Variants in SEPTIN3 observed in about 807,000 individuals in gnomAD.
The protein encoded by SEPTIN3 is neuronal-specific septin-3.
SEPTIN3 carries 15 observed loss-of-function variants against 45.1 expected under a neutral mutation model. That is an observed-to-expected ratio of 0.33 (90% CI 0.22 to 0.51). The LOEUF is 0.51. Among genes scored for constraint, SEPTIN3 ranks in the 20% least tolerant of loss-of-function variants. The probability of loss-of-function intolerance (pLI) is 0.97; values close to 1 mark genes in which losing one functional copy is unlikely to be tolerated. For missense variants in SEPTIN3, 289 were observed against 457.2 expected (o/e 0.63, Z 3.35); for synonymous variants, 148 against 164.8 (o/e 0.90, Z 0.78).
intron 2 of SEPTIN3, chr22:41,981,314 A>G (rs2078116234): frequency 3.8e-6 from 1 of 261,186 alleles, no homozygotes; most frequent in Non-Finnish European, 7.3e-6. Flanking sequence ...CTCAAATGTC[A>G]TTAGTGCCAA....
At chr22:41,978,924 G>GGAGGAA in intron 2 of SEPTIN3, among the ~76,000 whole-genome samples, 1 of 151,358 alleles carries the variant, frequency 6.6e-6, no homozygotes, top group Non-Finnish European at 1.5e-5. Flanking sequence ...AGGAGGAGGA[G>GGAGGAA]GAGGAGGGAG....
chr22:41,995,586 T>G, intron 11 of SEPTIN3: 1 of 985,460 alleles, frequency 1.0e-6, no homozygotes, highest in Non-Finnish European at 1.2e-6. Flanking sequence ...TAGATGAATC[T>G]ACTTTAGGTT....
At chr22:41,977,605 G>A (rs2078050265) in intron 2 of SEPTIN3, among the ~76,000 whole-genome samples, 1 of 151,824 alleles carries the variant, frequency 6.6e-6, no homozygotes, top group South Asian at 2.1e-4. Flanking sequence ...AGAGCCTAGG[G>A]CTGGAACTGG....
chr22:41,995,767 T>C, intron 11 of SEPTIN3: 1 of 971,206 alleles, frequency 1.0e-6, no homozygotes, highest in Non-Finnish European at 1.2e-6. Context: ...GAACAGGCCC[T>C]GAGCTCACAG....
chr22:41,970,440 A>G (rs969089833), intron 1 of SEPTIN3, among the ~76,000 whole-genome samples: 1 of 152,084 alleles, frequency 6.6e-6, no homozygotes, highest in East Asian at 1.9e-4. Flanking sequence ...GAGAGTTTCA[A>G]CTATGTCCTC....
intron 6 of SEPTIN3, 143 bp from the exon 7 acceptor site, chr22:41,989,424 C>T (rs906392638): frequency 1.2e-5 from 8 of 649,230 alleles, no homozygotes; most frequent in Middle Eastern, 3.4e-4. Flanking sequence ...GGGGCTGTGT[C>T]GGAGACGAGA....
Position 41,994,753 on chromosome 22 carries a change from A to G in SEPTIN3, c.2505+39A>G, listed in dbSNP as rs887071335. ...CAGAGGAAAGCCACGACAGTAACCC[A>G]TGACGACCACTTCTCTGTGTCATCA... On this transcript the variant is annotated intron_variant, in intron 11 of 11. Transcript: ENST00000644076. This position sits in a 1 kb window ranked among gnomAD's most constrained non-coding sequence, Gnocchi z 4.2. The G allele has an allele frequency of 8.7e-6, 14 of 1,614,024 alleles. No individual in the cohort carries two copies. Among genetic ancestry groups the G allele is most frequent in the East Asian group, 2.2e-5 (1 of 44,874 alleles).
Position 41,971,519 on chromosome 22 carries a change from T to G in SEPTIN3, c.27T>G (p.Pro9=), listed in dbSNP as rs2077958709. 3 of 399,022 alleles carry G rather than the reference T, an allele frequency of 7.5e-6. No individual in the cohort carries two copies. The East Asian group carries it at 1.1e-4, about 14-fold the overall frequency. 24.7% of individuals were successfully genotyped at this position (399,022 alleles called of 1,614,324 possible). Residue 9 remains proline (P), a synonymous_variant, in exon 2 of 12, where the codon CCT becomes CCG. Transcript: ENST00000644076. MDHNFAPA[P]PEMQSHGAPG... is the part of the protein sequence containing the mutation. ...TGGACCACAACTTTGCTCCTGCTCC[T>G]CCAGAGATGCAGTCGCATGGAGCTC...
intron 7 of SEPTIN3, among the ~76,000 whole-genome samples, chr22:41,990,639 A>G (rs1486226912): frequency 9.4e-5 from 14 of 148,664 alleles, no homozygotes; most frequent in South Asian, 4.4e-4. Flanking sequence ...CCAGCTACTC[A>G]GGAGGCTGAG....
chr22:41,995,754 C>G, intron 11 of SEPTIN3: 1 of 979,520 alleles, frequency 1.0e-6, no homozygotes, highest in South Asian at 4.7e-5. Context: ...TAGTCAAGCA[C>G]CTGAACAGGC....
intron 2 of SEPTIN3, among the ~76,000 whole-genome samples, chr22:41,980,921 C>G (rs762984727): frequency 1.3e-5 from 2 of 152,126 alleles, no homozygotes; most frequent in Non-Finnish European, 2.9e-5. Flanking sequence ...CCTTCAGGTA[C>G]AGACACCCCT....
intron 9 of SEPTIN3, among the ~76,000 whole-genome samples, chr22:41,993,726 T>C (rs1378931358): frequency 1.3e-5 from 2 of 152,266 alleles, no homozygotes. Context: ...ACTCCTGGGC[T>C]CCAGTAATCC....
chr22:41,996,768 C>T (rs916023323), intron 11 of SEPTIN3, 134 bp from the exon 12 acceptor site: 14 of 1,524,130 alleles, frequency 9.2e-6, no homozygotes, highest in East Asian at 2.3e-5. Flanking sequence ...GGGAGGTGGG[C>T]GTTGGAAAGG....
At chr22:41,990,609 G>A (rs1009621354) in intron 7 of SEPTIN3, among the ~76,000 whole-genome samples, 1 of 151,242 alleles carries the variant, frequency 6.6e-6, no homozygotes, top group Non-Finnish European at 1.5e-5. Flanking sequence ...AGCCGGGTGT[G>A]GTGGCGGGTG....
chr22:41,986,115 G>T lies in SEPTIN3; in HGVS notation c.1825+3G>T. 1 of 1,612,338 alleles carries T rather than the reference G, an allele frequency of 6.2e-7. No homozygotes were observed. The highest frequency in any genetic ancestry group is 1.1e-5 in the South Asian group (1 of 90,942). On this transcript the variant is annotated splice_donor_region_variant and intron_variant, in intron 4 of 11. Transcript: ENST00000644076. The stretch of plus-strand genomic sequence containing the variant: ...GGAGATCAAAGCTATCGGGCATGGT[G>T]AGGACCAGGCAGGGACCCCTATGGG...
At position 41,976,935 on chromosome 22, in the gene SEPTIN3, G is replaced by A. The variant is rs1464395308; in HGVS notation, c.1504+3939G>A. On this transcript the variant is annotated intron_variant, in intron 2 of 11. Coordinates refer to ENST00000644076, the MANE Select transcript of SEPTIN3 (RefSeq NM_001363845.2). The surrounding 1 kb of genome is among the most constrained non-coding windows in gnomAD (Gnocchi z 5.8). ...CGGCGGGGCCGCGGGCCGGGCGGGTGGGAGGAGAGCGCGAAGGGGCGAGGC... is the reference window on the plus strand; with the variant it reads ...CGGCGGGGCCGCGGGCCGGGCGGGTAGGAGGAGAGCGCGAAGGGGCGAGGC... The A allele has an allele frequency of 1.0e-5, 7 of 668,432 alleles. No individual in the cohort carries two copies. In the Admixed American group the frequency reaches 2.4e-4, roughly 23 times the overall value. The allele number at this position is 668,432 out of a possible 1,614,324, so 41.4% of individuals were successfully genotyped here. A position where few individuals can be genotyped will look rare whatever the true frequency, so the allele number is the denominator to read the frequency against.
At position 41,984,604 on chromosome 22, in the gene SEPTIN3, C is replaced by T. The variant is rs191252178; in HGVS notation, c.1697-1380C>T. On this transcript the variant is annotated intron_variant, in intron 3 of 11. Transcript: ENST00000644076. ...AGGCTGGAGTACAGTTGCGTGATCC[C>T]GGCTCACTACAGCCTCTGCCTCCTG... Among the ~76,000 whole-genome samples the T allele has an allele frequency of 1.1e-3, 162 of 152,264 alleles. 2 individuals carry two copies. The highest frequency in any genetic ancestry group is 3.1e-3 in the East Asian group (16 of 5,182).
chr22:41,976,879 GGGCGCGGCGGCGCGGGGCGCAGGGGC>G lies in SEPTIN3; in HGVS notation c.1504+3894_1504+3919del, dbSNP rs1218899835. 5.6e-6 allele frequency: 1 copy of G among 177,148 alleles called. No individual in the cohort carries two copies. Among genetic ancestry groups the G allele is most frequent in the Non-Finnish European group, 1.1e-5 (1 of 92,686 alleles). The allele number at this position is 177,148 out of a possible 1,614,324, so 11.0% of individuals were successfully genotyped here. On this transcript the variant is annotated intron_variant, in intron 2 of 11. Coordinates refer to ENST00000644076, the MANE Select transcript of SEPTIN3 (RefSeq NM_001363845.2). This position sits in a 1 kb window ranked among gnomAD's most constrained non-coding sequence, Gnocchi z 5.8. ...GCGAGCCGAGGCGAGGTCCCGGGGAGGGCGCGGCGGCGCGGGGCGCAGGGGCGGCGCGGCGGGGCCGCGGGCCGGGC... is the reference window on the plus strand; with the variant it reads ...GCGAGCCGAGGCGAGGTCCCGGGGAGGGCGCGGCGGGGCCGCGGGCCGGGC...
At chr22:41,981,955 G>A (rs1204884210) in intron 3 of SEPTIN3, 119 bp downstream of exon 3, 6 of 903,064 alleles carry the variant, frequency 6.6e-6, no homozygotes, top group Non-Finnish European at 8.5e-6. Flanking sequence ...GTAGAAGGGA[G>A]AATTTCACCA....
Sources: allele counts gnomAD v4.1 joint callset (sites outside exome capture counted in the v4.1 genomes callset), GRCh38; gene constraint gnomAD v4.1.1; non-coding constraint Gnocchi (gnomAD v3.1); transcripts MANE v1.5; gene names NCBI Gene and HGNC (gene_info 2026-07-23, HGNC 2026-07-21).